ARL13B: variants seen among roughly 807,000 people sequenced by gnomAD.
ARL13B encodes ADP-ribosylation factor-like protein 13B.
ARL13B carries 36 observed loss-of-function variants against 56.1 expected under a neutral mutation model. That is an observed-to-expected ratio of 0.64 (90% CI 0.49 to 0.85). ARL13B has a LOEUF of 0.85. Ranked by LOEUF, ARL13B falls within the 40% of genes least tolerant of loss-of-function variation. ARL13B has a pLI of 0.00. For missense variants in ARL13B, 519 were observed against 507.1 expected, an observed-to-expected ratio of 1.02 and a Z score of -0.23; for synonymous variants, 178 against 171.1, an observed-to-expected ratio of 1.04 and a Z score of -0.32.
intron 3 of ARL13B, among the ~76,000 whole-genome samples, chr3:94,024,400 C>G (rs2076513026): frequency 6.6e-6 from 1 of 152,144 alleles, no homozygotes; most frequent in Admixed American, 6.6e-5. Context: ...GATTTTCTAT[C>G]CATAAAAATT....
At chr3:94,013,788 A>G (rs1559984168) in intron 3 of ARL13B, among the ~76,000 whole-genome samples, 1 of 152,166 alleles carries the variant, frequency 6.6e-6, no homozygotes, top group Non-Finnish European at 1.5e-5. Context: ...CTCTACTAAA[A>G]ATACAAAAAT....
chr3:94,016,420 G>A (rs2076334480), intron 3 of ARL13B, among the ~76,000 whole-genome samples: 1 of 151,360 alleles, frequency 6.6e-6, no homozygotes, highest in Non-Finnish European at 1.5e-5. Context: ...TGTGTAGATG[G>A]TGTAAAATTT....
intron 2 of ARL13B, 45 bp from the exon 3 acceptor site, chr3:94,003,614 A>G (rs762842095): frequency 3.1e-6 from 5 of 1,602,554 alleles, no homozygotes; most frequent in Non-Finnish European, 2.6e-6. Context: ...AACGTTGTCA[A>G]TTAAAGTCTA....
intron 1 of ARL13B, among the ~76,000 whole-genome samples, chr3:93,985,183 A>C (rs1024639541): frequency 2.0e-5 from 3 of 152,160 alleles, no homozygotes; most frequent in Non-Finnish European, 4.4e-5. Flanking sequence ...CTGTTAATCT[A>C]TTGCAATCTA....
intron 7 of ARL13B, among the ~76,000 whole-genome samples, chr3:94,045,061 A>AAAGAAGTAGACATAG (rs1318731046): frequency 6.6e-6 from 1 of 152,004 alleles, no homozygotes; most frequent in African/African-American, 2.4e-5. Context: ...GTCTGTGTAG[A>AAAGAAGTAGACATAG]AAGAAGTAGA....
At chr3:94,012,924 T>C (rs2076250138) in intron 3 of ARL13B, among the ~76,000 whole-genome samples, 1 of 152,210 alleles carries the variant, frequency 6.6e-6, no homozygotes, top group African/African-American at 2.4e-5. Context: ...AATATTACTA[T>C]TAGGTCTAGA....
chr3:94,050,357 C>T (rs1313314821), intron 8 of ARL13B, among the ~76,000 whole-genome samples: 1 of 152,008 alleles, frequency 6.6e-6, no homozygotes, highest in African/African-American at 2.4e-5. Context: ...AACTTTTCAG[C>T]ACTAAGCTTA....
At chr3:93,988,670 A>T in intron 1 of ARL13B, 1 of 486,898 alleles carries the variant, frequency 2.1e-6, no homozygotes, top group Non-Finnish European at 4.1e-6. Context: ...GCTTCATCAA[A>T]GGTTGGAGTC....
chr3:93,991,188 T>C (rs1274987069), intron 1 of ARL13B, among the ~76,000 whole-genome samples: 1 of 152,204 alleles, frequency 6.6e-6, no homozygotes, highest in African/African-American at 2.4e-5. Context: ...TGTCAACTTT[T>C]ATAGACACTG....
In ARL13B at chr3:93,996,087, C is replaced by G. The variant is rs922389124; in HGVS notation, c.130+143C>G. On this transcript the variant is annotated intron_variant, in intron 2 of 9. Transcript: ENST00000394222. ...TTATATTCTTAGTATATTTGTGACT[C>G]TTGTGGCGAATAGGCTCTGTCTTAA... 4 of 872,858 alleles carry G rather than the reference C, an allele frequency of 4.6e-6. No homozygotes were observed. The African/African-American group carries it at 6.8e-5, about 15-fold the overall frequency. 54.1% of individuals were successfully genotyped at this position (872,858 alleles called of 1,614,324 possible).
chr3:94,016,648 T>G (rs1257455545), intron 3 of ARL13B, among the ~76,000 whole-genome samples: 3 of 131,328 alleles, frequency 2.3e-5, no homozygotes, highest in Non-Finnish European at 3.4e-5. Context: ...AATTAAGCTT[T>G]CTTTTTTTTT....
chr3:94,013,637 C>T (rs1464346437), intron 3 of ARL13B, among the ~76,000 whole-genome samples: 3 of 152,214 alleles, frequency 2.0e-5, no homozygotes, highest in Middle Eastern at 3.4e-3. Flanking sequence ...GTTAAGTTAC[C>T]TTCTGAGGAT....
At chr3:94,045,169 C>T (rs911305584) in intron 7 of ARL13B, among the ~76,000 whole-genome samples, 48 of 152,058 alleles carry the variant, frequency 3.2e-4, no homozygotes, top group East Asian at 7.7e-4. Flanking sequence ...CTCTCTGAAA[C>T]GTGCTGTGTC....
intron 3 of ARL13B, among the ~76,000 whole-genome samples, chr3:94,005,615 T>C (rs1335668271): frequency 1.3e-5 from 2 of 152,194 alleles, no homozygotes; most frequent in Non-Finnish European, 2.9e-5. Flanking sequence ...TATAAACTCA[T>C]AGTTAGTGAG....
At chr3:94,012,329 A>G (rs1261577087) in intron 3 of ARL13B, among the ~76,000 whole-genome samples, 1 of 152,208 alleles carries the variant, frequency 6.6e-6, no homozygotes, top group Non-Finnish European at 1.5e-5. Context: ...TCTCTGGACC[A>G]AGATAGCATC....
At chr3:93,993,039 G>A (rs560353056) in intron 1 of ARL13B, among the ~76,000 whole-genome samples, 4 of 150,328 alleles carry the variant, frequency 2.7e-5, no homozygotes, top group Non-Finnish European at 4.4e-5. Context: ...GCCTGAGCTC[G>A]AGTGATCGGC....
intron 2 of ARL13B, among the ~76,000 whole-genome samples, chr3:93,999,262 G>C (rs761816514): frequency 4.6e-5 from 7 of 151,826 alleles, no homozygotes; most frequent in African/African-American, 7.3e-5. Context: ...GTTTTTTAGA[G>C]ACAGGGTATC....
chr3:94,045,346 C>T (rs2076962812), intron 7 of ARL13B, among the ~76,000 whole-genome samples: 1 of 151,580 alleles, frequency 6.6e-6, no homozygotes, highest in Non-Finnish European at 1.5e-5. Flanking sequence ...AACCAGAGAC[C>T]TTTGTTCACG....
chr3:94,053,988 T>C lies in ARL13B; in HGVS notation c.*725T>C, dbSNP rs2077105493. 2 of 393,156 alleles carry C rather than the reference T, an allele frequency of 5.1e-6. No homozygotes were observed. The highest frequency in any genetic ancestry group is 3.1e-5 in the Admixed American group (1 of 32,062). 24.4% of individuals were successfully genotyped at this position (393,156 alleles called of 1,614,324 possible). A position where few individuals can be genotyped will look rare whatever the true frequency, so the allele number is the denominator to read the frequency against. ...TAACAATTACATGATTTGAAAACAG[T>C]ACTCAATGAGACTGGAAATACCTTT... On this transcript the variant is annotated 3_prime_UTR_variant, in exon 10 of 10. Coordinates refer to ENST00000394222, the MANE Select transcript of ARL13B (RefSeq NM_001174150.2).
Sources: allele counts gnomAD v4.1 joint callset (sites outside exome capture counted in the v4.1 genomes callset), GRCh38; gene constraint gnomAD v4.1.1; transcripts MANE v1.5; gene names NCBI Gene and HGNC (gene_info 2026-07-23, HGNC 2026-07-21).